Variants in SNTG1 observed in about 807,000 individuals in gnomAD.
SNTG1 encodes the protein gamma-1-syntrophin.
SNTG1 carries 39 observed loss-of-function variants against 74.7 expected under a neutral mutation model. The observed-to-expected ratio is 0.52, with a 90% CI of 0.40 to 0.68. SNTG1 has a LOEUF of 0.68. Among genes scored for constraint, SNTG1 ranks in the 30% least tolerant of loss-of-function variants. The probability of loss-of-function intolerance (pLI) is 0.00; values close to 1 mark genes in which losing one functional copy is unlikely to be tolerated. For synonymous variants in SNTG1, 254 were observed against 217.1 expected (o/e 1.17, Z -1.49); for missense variants, 685 against 609.5 (o/e 1.12, Z -1.30).
At chr8:49,988,685 A>T (rs937719162) in intron 1 of SNTG1, among the ~76,000 whole-genome samples, 1 of 152,144 alleles carries the variant, frequency 6.6e-6, no homozygotes, top group Non-Finnish European at 1.5e-5. Flanking sequence ...ATGTATGAAT[A>T]ATGAGAATGC....
intron 1 of SNTG1, among the ~76,000 whole-genome samples, chr8:49,929,760 C>T (rs1270891336): frequency 1.3e-5 from 2 of 151,676 alleles, no homozygotes; most frequent in African/African-American, 4.8e-5. Context: ...TACATGTGCA[C>T]ATTGTGCAGG....
At chr8:50,251,039 A>G (rs1410468172) in intron 2 of SNTG1, among the ~76,000 whole-genome samples, 3 of 152,022 alleles carry the variant, frequency 2.0e-5, no homozygotes, top group Non-Finnish European at 2.9e-5. Flanking sequence ...TAAGGAACAC[A>G]TAGAAGATAA....
chr8:49,920,227 C>T (rs1806409787), intron 1 of SNTG1, among the ~76,000 whole-genome samples: 1 of 151,998 alleles, frequency 6.6e-6, no homozygotes, highest in South Asian at 2.1e-4. Flanking sequence ...GAAAATGTAA[C>T]CCTACACTTT....
chr8:49,920,093 C>T (rs1806396942), intron 1 of SNTG1, among the ~76,000 whole-genome samples: 1 of 152,034 alleles, frequency 6.6e-6, no homozygotes, highest in Non-Finnish European at 1.5e-5. Context: ...TAAAATATGT[C>T]CATTATCTAC....
chr8:50,311,818 C>CTATACAAAGTTT (rs942251432), intron 2 of SNTG1, among the ~76,000 whole-genome samples: 22 of 152,242 alleles, frequency 1.4e-4, no homozygotes, highest in African/African-American at 5.1e-4. Context: ...TAGTTTTTGA[C>CTATACAAAGTTT]TGACCCAAGA....
chr8:49,969,313 A>G (rs2129903203), intron 1 of SNTG1, among the ~76,000 whole-genome samples: 1 of 152,064 alleles, frequency 6.6e-6, no homozygotes, highest in Admixed American at 6.5e-5. Context: ...ACAGGATGCC[A>G]TAAACTACTT....
intron 1 of SNTG1, among the ~76,000 whole-genome samples, chr8:50,000,355 C>T (rs1814627405): frequency 6.6e-6 from 1 of 152,054 alleles, no homozygotes; most frequent in Non-Finnish European, 1.5e-5. Context: ...TCTATTCCTC[C>T]GAGTTTTAAA....
Position 50,190,006 on chromosome 8 carries a change from C to G in SNTG1, c.-28+17371C>G, listed in dbSNP as rs118092527. Among the ~76,000 whole-genome samples, 41 of 151,954 alleles carry G rather than the reference C, an allele frequency of 2.7e-4. No individual in the cohort carries two copies. In the East Asian group the frequency reaches 7.8e-3, roughly 29 times the overall value. The stretch of plus-strand genomic sequence containing the variant: ...ACAATTGCTTGTGTTATAGATATTC[C>G]CTATTTTCTGTTTGAATGTTGATTA... On this transcript the variant is annotated intron_variant, in intron 2 of 18. Transcript: ENST00000642720.
chr8:49,956,604 A>G (rs1810196270), intron 1 of SNTG1, among the ~76,000 whole-genome samples: 1 of 152,106 alleles, frequency 6.6e-6, no homozygotes, highest in African/African-American at 2.4e-5. Flanking sequence ...AATTTCATTT[A>G]TTTTACTGAG....
chr8:50,302,163 G>A lies in SNTG1; in HGVS notation c.-27-92049G>A, dbSNP rs138328916. Among the ~76,000 whole-genome samples the A allele has an allele frequency of 6.2e-4, 95 of 152,206 alleles. 1 individual carries two copies. Among genetic ancestry groups the A allele is most frequent in the South Asian group, 1.0e-3 (5 of 4,826 alleles). On this transcript the variant is annotated intron_variant, in intron 2 of 18. Transcript: ENST00000642720. ...TTGAGTGACACTTTGCTGACAGACC[G>A]GTGTGTGGATTGGGGAACACATTTA... is the stretch of plus-strand genomic sequence containing the variant.
intron 8 of SNTG1, among the ~76,000 whole-genome samples, chr8:50,497,763 C>T (rs1039266799): frequency 6.6e-6 from 1 of 152,002 alleles, no homozygotes; most frequent in African/African-American, 2.4e-5. Context: ...GTCCTTCTGC[C>T]TCTTCTCTTC....
At chr8:50,553,812 C>T (rs1346500890) in intron 12 of SNTG1, among the ~76,000 whole-genome samples, 1 of 152,076 alleles carries the variant, frequency 6.6e-6, no homozygotes, top group East Asian at 1.9e-4. Flanking sequence ...GAAATATAGT[C>T]TAACAAAATA....
At chr8:50,778,896 G>GGA (rs1438820051) in intron 18 of SNTG1, among the ~76,000 whole-genome samples, 4 of 152,058 alleles carry the variant, frequency 2.6e-5, no homozygotes, top group African/African-American at 9.7e-5. Flanking sequence ...TGTAAGGAAG[G>GGA]GATCCAGTTT....
chr8:49,913,231 C>T (rs1467142389), intron 1 of SNTG1, among the ~76,000 whole-genome samples: 1 of 152,162 alleles, frequency 6.6e-6, no homozygotes, highest in Admixed American at 6.5e-5. Context: ...TGGAATTTTA[C>T]AGTCATGTAA....
At chr8:50,171,698 C>A (rs1458137029) in intron 1 of SNTG1, among the ~76,000 whole-genome samples, 1 of 152,180 alleles carries the variant, frequency 6.6e-6, no homozygotes, top group Non-Finnish European at 1.5e-5. Context: ...GTTAAGGGTT[C>A]TCGACTTAGC....
intron 17 of SNTG1, among the ~76,000 whole-genome samples, chr8:50,716,058 T>C (rs1345597196): frequency 2.0e-5 from 3 of 152,142 alleles, no homozygotes; most frequent in African/African-American, 7.2e-5. Flanking sequence ...CTACTGTTTC[T>C]CCCAAAGGTG....
At chr8:50,768,800 C>A (rs746865572) in intron 18 of SNTG1, among the ~76,000 whole-genome samples, 1 of 151,980 alleles carries the variant, frequency 6.6e-6, no homozygotes, top group Non-Finnish European at 1.5e-5. Context: ...TGGAGTGCTT[C>A]GTTCTGTAAA....
At chr8:50,562,459 A>G (rs1354353998) in intron 12 of SNTG1, among the ~76,000 whole-genome samples, 2 of 152,212 alleles carry the variant, frequency 1.3e-5, no homozygotes, top group Non-Finnish European at 2.9e-5. Flanking sequence ...CAATTCAAAG[A>G]AAGCAGTAGT....
At position 50,517,713 on chromosome 8, in the gene SNTG1, C is replaced by A. The variant is rs181135112; in HGVS notation, c.467-12464C>A. Among the ~76,000 whole-genome samples, 1,078 of 151,140 alleles carry A rather than the reference C, an allele frequency of 7.1e-3. 7 individuals are homozygous for A. Among genetic ancestry groups the A allele is most frequent in the Middle Eastern group, 0.028 (8 of 282 alleles). ...AAAGATCAACAAAGACAAAGAAGGG[C>A]ATTATATAATGATAAAAGGATCAAT... On this transcript the variant is annotated intron_variant, in intron 9 of 18. Coordinates refer to ENST00000642720, the MANE Select transcript of SNTG1 (RefSeq NM_018967.5).
Sources: allele counts gnomAD v4.1 joint callset (sites outside exome capture counted in the v4.1 genomes callset), GRCh38; gene constraint gnomAD v4.1.1; transcripts MANE v1.5; gene names NCBI Gene and HGNC (gene_info 2026-07-23, HGNC 2026-07-21).